Variants in DHRS9 observed in about 807,000 individuals in gnomAD.
DHRS9 encodes the protein dehydrogenase/reductase 9, also known as dehydrogenase/reductase SDR family member 9.
DHRS9 carries 18 observed loss-of-function variants against 26.6 expected under a neutral mutation model. The ratio of observed to expected loss-of-function variants is 0.68; its 90% CI spans 0.47 to 1.00. DHRS9 has a LOEUF of 1.00. DHRS9 is among the 50% of genes least tolerant of loss of function. DHRS9 has a pLI of 0.00. For synonymous variants in DHRS9, 134 were observed against 141.1 expected, an observed-to-expected ratio of 0.95 and a Z score of 0.36; for missense variants, 425 against 378.7, an observed-to-expected ratio of 1.12 and a Z score of -1.01.
intron 1 of DHRS9, among the ~76,000 whole-genome samples, chr2:169,078,184 T>C (rs1684022291): frequency 6.6e-6 from 1 of 152,182 alleles, no homozygotes; most frequent in African/African-American, 2.4e-5. Flanking sequence ...TAATATGCCC[T>C]CTCTAACTCA....
At chr2:169,079,023 AT>A (rs1287736743) in intron 1 of DHRS9, among the ~76,000 whole-genome samples, 2 of 151,342 alleles carry the variant, frequency 1.3e-5, no homozygotes, top group African/African-American at 4.9e-5. Flanking sequence ...AATTTTTTGT[AT>A]TTTTAGTAGA....
At chr2:169,081,454 T>C in intron 1 of DHRS9, 69 bp from the exon 2 acceptor site, 1 of 1,445,978 alleles carries the variant, frequency 6.9e-7, no homozygotes, top group Non-Finnish European at 9.1e-7. Flanking sequence ...TATCTCAAAT[T>C]CATCAGTCCT....
rs1396667383 is a variant in DHRS9 at position 169,081,579 on chromosome 2, A to G, written c.-3A>G. The G allele has an allele frequency of 6.2e-7, 1 of 1,613,112 alleles. No homozygotes were observed. Among genetic ancestry groups the G allele is most frequent in the Admixed American group, 1.7e-5 (1 of 59,850 alleles). On this transcript the variant is annotated 5_prime_UTR_variant, in exon 2 of 5. Coordinates refer to ENST00000674881, the MANE Select transcript of DHRS9 (RefSeq NM_001376924.1). ...AGTGTACCTATCACACACAGGGGGA[A>G]AAATGCTCTTTTGGGTGCTAGGCCT...
Position 169,095,910 on chromosome 2 carries a change from C to A in DHRS9, c.*143C>A. ...TTTGGATTGCAAAAGGGAGTCCCAC[C>A]ATCGCTGGTGGTATCCCAGGGTCCC... On this transcript the variant is annotated 3_prime_UTR_variant, in exon 5 of 5. Transcript: ENST00000674881. The A allele has an allele frequency of 2.7e-6, 2 of 753,774 alleles. No individual in the cohort carries two copies. The highest frequency in any genetic ancestry group is 1.8e-5 in the South Asian group (1 of 54,096). The allele number at this position is 753,774 out of a possible 1,614,324, so 46.7% of individuals were successfully genotyped here. A position where few individuals can be genotyped will look rare whatever the true frequency, so the allele number is the denominator to read the frequency against.
At chr2:169,094,058 T>C (rs1458125426) in intron 4 of DHRS9, among the ~76,000 whole-genome samples, 1 of 152,200 alleles carries the variant, frequency 6.6e-6, no homozygotes, top group African/African-American at 2.4e-5. Context: ...TCACAAACAG[T>C]ATACAAGAGG....
At chr2:169,090,805 A>G (rs1025979914) in intron 3 of DHRS9, among the ~76,000 whole-genome samples, 4 of 152,188 alleles carry the variant, frequency 2.6e-5, no homozygotes, top group Admixed American at 6.5e-5. Flanking sequence ...TGCATTACAA[A>G]CTTTTCTTAG....
chr2:169,095,044 A>G (rs191651178), intron 4 of DHRS9, among the ~76,000 whole-genome samples: 1 of 152,186 alleles, frequency 6.6e-6, no homozygotes, highest in Admixed American at 6.6e-5. Flanking sequence ...TACATGCACA[A>G]GCACATGTGC....
chr2:169,079,965 G>GAC (rs1684113152), intron 1 of DHRS9, among the ~76,000 whole-genome samples: 3 of 105,814 alleles, frequency 2.8e-5, no homozygotes, highest in Admixed American at 9.9e-5. Context: ...GAGAGAGAGA[G>GAC]AGAGAGAGAG....
rs769191553 is a variant in DHRS9, at chr2:169,081,913, G to A, written c.313+19G>A. 8.2e-6 allele frequency: 13 copies of A among 1,583,728 alleles called. No homozygotes were observed. The Admixed American group carries it at 1.8e-4, about 22-fold the overall frequency. The stretch of plus-strand genomic sequence containing the variant: ...GAGAAAGGTGAGAGACATGGAAGTG[G>A]GTAGGATGGGACAGGGATAGGGGAT... On this transcript the variant is annotated intron_variant, in intron 2 of 4. Transcript: ENST00000674881.
At position 169,081,677 on chromosome 2, in the gene DHRS9, T is replaced by G; in HGVS notation, c.96T>G (p.Ile32Met). The change falls in exon 2 of 5, where the codon ATT becomes ATG. Residue 32 changes from isoleucine (I) to methionine (M), a missense_variant. Coordinates refer to ENST00000674881, the MANE Select transcript of DHRS9 (RefSeq NM_001376924.1). ...LKIEDITDKY[I>M]FITGCDSGFG... ...TTGAAGACATCACTGATAAGTACATTTTTATCACTGGATGTGACTCGGGCT... is the reference window on the plus strand; with the variant it reads ...TTGAAGACATCACTGATAAGTACATGTTTATCACTGGATGTGACTCGGGCT... The G allele has an allele frequency of 6.2e-7, 1 of 1,614,178 alleles. No homozygotes were observed.
intron 3 of DHRS9, among the ~76,000 whole-genome samples, chr2:169,084,013 G>A (rs1684277136): frequency 6.6e-6 from 1 of 151,234 alleles, no homozygotes; most frequent in East Asian, 1.9e-4. Context: ...CAAGCATCTA[G>A]TAACTATCTC....
intron 1 of DHRS9, among the ~76,000 whole-genome samples, chr2:169,072,307 TTCTACAAAC>T (rs2105278454): frequency 6.6e-6 from 1 of 152,300 alleles, no homozygotes; most frequent in African/African-American, 2.4e-5. Flanking sequence ...TAAATAAAGA[TTCTACAAAC>T]TCCTGACAGT....
chr2:169,079,221 C>T (rs939712809), intron 1 of DHRS9, among the ~76,000 whole-genome samples: 1 of 151,686 alleles, frequency 6.6e-6, no homozygotes, highest in Admixed American at 6.6e-5. Context: ...AAAAGCAGAG[C>T]CCGAAATTTT....
chr2:169,092,001 A>G lies in DHRS9; in HGVS notation c.736+48A>G, dbSNP rs370253684. 25 of 1,590,592 alleles carry G rather than the reference A, an allele frequency of 1.6e-5. No homozygotes were observed. The African/African-American group carries it at 3.0e-4, about 19-fold the overall frequency. ...TGTCCTCTAGAATTCTTTGTCCTGA[A>G]CAGCATGAAGGAGATTCAAATACAG... On this transcript the variant is annotated intron_variant, in intron 4 of 4. Transcript: ENST00000674881.
chr2:169,072,628 G>A (rs556040702), intron 1 of DHRS9: 7 of 985,314 alleles, frequency 7.1e-6, no homozygotes, highest in South Asian at 4.7e-5. Context: ...GAGAGCGCTC[G>A]AGTTGCAATA....
At position 169,081,596 on chromosome 2, in the gene DHRS9, G is replaced by T; in HGVS notation, c.15G>T (p.Val5=). ...CAGGGGGAAAAATGCTCTTTTGGGT[G>T]CTAGGCCTCCTAATCCTCTGTGGTT... MLFW[V]LGLLILCGFL... The change falls in exon 2 of 5, where the codon GTG becomes GTT. Residue 5 remains valine (V), a synonymous_variant. Coordinates refer to ENST00000674881, the MANE Select transcript of DHRS9 (RefSeq NM_001376924.1). The T allele has an allele frequency of 6.2e-7, 1 of 1,614,018 alleles. No homozygotes were observed. Among genetic ancestry groups the T allele is most frequent in the Non-Finnish European group, 8.5e-7 (1 of 1,179,982 alleles).
At chr2:169,079,096 C>G (rs1049625902) in intron 1 of DHRS9, among the ~76,000 whole-genome samples, 3 of 152,066 alleles carry the variant, frequency 2.0e-5, no homozygotes, top group African/African-American at 7.2e-5. Flanking sequence ...ATCTGCCCCC[C>G]TCTGCCTCCC....
chr2:169,094,565 G>A lies in DHRS9; in HGVS notation c.737-979G>A, dbSNP rs552829301. Among the ~76,000 whole-genome samples the A allele has an allele frequency of 1.6e-4, 23 of 146,872 alleles. 2 individuals carry two copies. The South Asian group carries it at 3.7e-3, about 23-fold the overall frequency. On this transcript the variant is annotated intron_variant, in intron 4 of 4. Coordinates refer to ENST00000674881, the MANE Select transcript of DHRS9 (RefSeq NM_001376924.1). ...TAGTAGTTTTTTTTTTTTTTTAATA[G>A]AGATGAGGTCACACTATGGTGCCCA...
chr2:169,081,170 G>A (rs1684169148), intron 1 of DHRS9: 1 of 1,016,364 alleles, frequency 9.8e-7, no homozygotes, highest in Non-Finnish European at 1.2e-6. Context: ...TTTACTGTGA[G>A]GGTCTGTCTT....
Sources: gnomAD v4.1 joint callset for allele counts (sites outside exome capture counted in the v4.1 genomes callset) on GRCh38, gnomAD v4.1.1 for gene constraint, MANE v1.5 for transcripts, NCBI Gene and HGNC (gene_info 2026-07-23, HGNC 2026-07-21) for gene names.